The following CABCOCO1 variants were observed in gnomAD, a reference collection of about 807,000 sequenced individuals.
CABCOCO1 encodes the protein ciliary associated calcium binding coiled-coil 1.
Under a neutral mutation model 35.7 loss-of-function variants are expected in CABCOCO1, and 28 were observed. That is an observed-to-expected ratio of 0.78 (90% CI 0.58 to 1.07). CABCOCO1 has a LOEUF of 1.07. Ranked by LOEUF, CABCOCO1 falls within the 50% of genes least tolerant of loss-of-function variation. The pLI is 0.00. For missense variants in CABCOCO1, 326 were observed against 309.2 expected, an observed-to-expected ratio of 1.05 and a Z score of -0.41; for synonymous variants, 95 against 100.1, an observed-to-expected ratio of 0.95 and a Z score of 0.30.
At chr10:61,696,745 A>G (rs952438532) in intron 5 of CABCOCO1, among the ~76,000 whole-genome samples, 2 of 151,994 alleles carry the variant, frequency 1.3e-5, no homozygotes, top group African/African-American at 4.8e-5. Flanking sequence ...GCCTCAAGTG[A>G]TCCTTCAGTT....
chr10:61,685,087 T>C (rs1839915387), intron 3 of CABCOCO1: 1 of 152,212 alleles, frequency 6.6e-6, no homozygotes, highest in East Asian at 1.9e-4. Context: ...TTGTGCATTT[T>C]CATCGGGCTC....
At chr10:61,706,286 C>T (rs1272701894) in intron 5 of CABCOCO1, among the ~76,000 whole-genome samples, 1 of 151,938 alleles carries the variant, frequency 6.6e-6, no homozygotes, top group Non-Finnish European at 1.5e-5. Context: ...AAATTACAGC[C>T]GAAATTGAGA....
intron 4 of CABCOCO1, among the ~76,000 whole-genome samples, chr10:61,688,854 C>T (rs1011860402): frequency 7.9e-5 from 12 of 152,154 alleles, no homozygotes; most frequent in South Asian, 2.1e-4. Flanking sequence ...AATGCATTAT[C>T]GCAGCTGAAG....
chr10:61,734,668 T>C (rs554203218), intron 5 of CABCOCO1, among the ~76,000 whole-genome samples: 153 of 152,222 alleles, frequency 1.0e-3, no homozygotes, highest in African/African-American at 3.6e-3. Context: ...CATTGGTTTT[T>C]CAAAGTTTAA....
In CABCOCO1 at chr10:61,760,041, C is replaced by T. The variant is rs758129909; in HGVS notation, c.553-18C>T. ...CACCAAAGGCTCTGTCATAATTCAA[C>T]TTTTTTCTTCCCATCAGCAAGTGAT... On this transcript the variant is annotated intron_variant, in intron 5 of 7. Coordinates refer to ENST00000648843, the MANE Select transcript of CABCOCO1 (RefSeq NM_001366906.2). 31 of 1,612,000 alleles carry T rather than the reference C, an allele frequency of 1.9e-5. No individual in the cohort carries two copies. The highest frequency in any genetic ancestry group is 2.5e-5 in the Non-Finnish European group (30 of 1,178,830).
chr10:61,666,827 A>G (rs1239210766), intron 1 of CABCOCO1, among the ~76,000 whole-genome samples: 2 of 149,826 alleles, frequency 1.3e-5, no homozygotes, highest in Non-Finnish European at 1.5e-5. Flanking sequence ...TTGCTATCCC[A>G]TTATATGTAT....
chr10:61,766,123 A>G lies in CABCOCO1; in HGVS notation c.*110A>G. 3.1e-6 allele frequency: 3 copies of G among 977,970 alleles called. No individual in the cohort carries two copies. The highest frequency in any genetic ancestry group is 4.5e-6 in the Non-Finnish European group (3 of 669,498). The allele number at this position is 977,970 out of a possible 1,614,324, so 60.6% of individuals were successfully genotyped here. ...CTCCATCACTTAGTTGTGAAAGGAAAACCAAGCCCCACTTTTTATTTTCCT... is the reference window on the plus strand; with the variant it reads ...CTCCATCACTTAGTTGTGAAAGGAAGACCAAGCCCCACTTTTTATTTTCCT... On this transcript the variant is annotated 3_prime_UTR_variant, in exon 8 of 8. Transcript: ENST00000648843.
intron 7 of CABCOCO1, 23 bp from the exon 8 acceptor site, chr10:61,765,916 G>T (rs756963567): frequency 3.1e-6 from 5 of 1,602,414 alleles, no homozygotes; most frequent in Non-Finnish European, 4.3e-6. Flanking sequence ...TCATAACCAC[G>T]TTTTTTATGA....
intron 5 of CABCOCO1, among the ~76,000 whole-genome samples, chr10:61,747,839 G>A (rs1348887858): frequency 6.6e-6 from 1 of 152,094 alleles, no homozygotes; most frequent in Non-Finnish European, 1.5e-5. Flanking sequence ...TTAACATACT[G>A]GGCCAGATTC....
chr10:61,679,173 T>C (rs976327242), intron 2 of CABCOCO1, among the ~76,000 whole-genome samples: 3 of 151,956 alleles, frequency 2.0e-5, no homozygotes, highest in African/African-American at 4.8e-5. Context: ...ATGCTAATGG[T>C]CCAAACCACA....
In CABCOCO1 at chr10:61,760,847, A is replaced by G; in HGVS notation, c.676-16A>G. 1.2e-6 allele frequency: 2 copies of G among 1,603,148 alleles called. No individual in the cohort carries two copies. The highest frequency in any genetic ancestry group is 1.7e-6 in the Non-Finnish European group (2 of 1,175,454). On this transcript the variant is annotated splice_polypyrimidine_tract_variant and intron_variant, in intron 6 of 7. Coordinates refer to ENST00000648843, the MANE Select transcript of CABCOCO1 (RefSeq NM_001366906.2). ...TCTAGAAATCACCCGAGTGCTATTT[A>G]CTTTCAATATTCTAGAGGTTGGATC... is the stretch of plus-strand genomic sequence containing the variant.
intron 5 of CABCOCO1, chr10:61,701,781 G>A (rs1840465243): frequency 1.0e-6 from 1 of 985,086 alleles, no homozygotes; most frequent in Non-Finnish European, 1.2e-6. Flanking sequence ...TGTTGTCAAA[G>A]GAAAATAACC....
At chr10:61,701,485 A>G (rs1840458125) in intron 5 of CABCOCO1, among the ~76,000 whole-genome samples, 1 of 152,194 alleles carries the variant, frequency 6.6e-6, no homozygotes, top group Non-Finnish European at 1.5e-5. Context: ...CAGGGTGATA[A>G]CAATACGACC....
At chr10:61,723,141 G>A (rs1841063037) in intron 5 of CABCOCO1, among the ~76,000 whole-genome samples, 3 of 152,096 alleles carry the variant, frequency 2.0e-5, no homozygotes, top group Admixed American at 6.5e-5. Flanking sequence ...AGAATAACAC[G>A]TCATGATCAA....
At chr10:61,722,033 G>A (rs988851227) in intron 5 of CABCOCO1, among the ~76,000 whole-genome samples, 2 of 152,080 alleles carry the variant, frequency 1.3e-5, no homozygotes, top group Non-Finnish European at 2.9e-5. Context: ...CCTGAAAAAG[G>A]CTGATGGCCA....
intron 5 of CABCOCO1, among the ~76,000 whole-genome samples, chr10:61,711,678 A>G (rs1840736294): frequency 6.6e-6 from 1 of 152,022 alleles, no homozygotes; most frequent in Non-Finnish European, 1.5e-5. Flanking sequence ...TTTTAAGTGC[A>G]CAAAAAATAT....
chr10:61,678,843 G>T (rs1839607683), intron 2 of CABCOCO1, among the ~76,000 whole-genome samples: 1 of 152,038 alleles, frequency 6.6e-6, no homozygotes, highest in South Asian at 2.1e-4. Context: ...TGGCATTATG[G>T]CAAGGGGGTG....
At chr10:61,758,164 C>G (rs967159487) in intron 5 of CABCOCO1, among the ~76,000 whole-genome samples, 2 of 152,056 alleles carry the variant, frequency 1.3e-5, no homozygotes, top group Non-Finnish European at 2.9e-5. Context: ...CCCACCACCC[C>G]CACTCCAAAC....
intron 5 of CABCOCO1, among the ~76,000 whole-genome samples, chr10:61,692,082 A>G (rs1840162044): frequency 6.6e-6 from 1 of 152,130 alleles, no homozygotes; most frequent in Non-Finnish European, 1.5e-5. Context: ...GTCTTCCACA[A>G]TGGTTGAACT....
Sources: gnomAD v4.1 joint callset for allele counts (sites outside exome capture counted in the v4.1 genomes callset) on GRCh38, gnomAD v4.1.1 for gene constraint, MANE v1.5 for transcripts, NCBI Gene and HGNC (gene_info 2026-07-23, HGNC 2026-07-21) for gene names.